Variants in RAP1GAP2 observed in about 807,000 individuals in gnomAD.
The protein encoded by RAP1GAP2 is RAP1 GTPase activating protein 2.
A neutral mutation model predicts 95.0 loss-of-function variants in RAP1GAP2; 27 were observed. The ratio of observed to expected loss-of-function variants is 0.28; its 90% CI spans 0.21 to 0.39. The LOEUF (loss-of-function observed/expected upper bound fraction) is 0.39, where lower values mean the gene tolerates loss of function less well. RAP1GAP2 is among the 10% of genes least tolerant of loss of function. The probability of loss-of-function intolerance (pLI) is 1.00; values close to 1 mark genes in which losing one functional copy is unlikely to be tolerated. For missense variants in RAP1GAP2, 771 were observed against 970.0 expected, an observed-to-expected ratio of 0.79 and a Z score of 2.72; for synonymous variants, 373 against 380.9, an observed-to-expected ratio of 0.98 and a Z score of 0.24.
chr17:3,005,832 G>T lies in RAP1GAP2; in HGVS notation c.1273-123G>T. 1.1e-6 allele frequency: 1 copy of T among 918,444 alleles called. No homozygotes were observed. The highest frequency in any genetic ancestry group is 1.8e-5 in the Admixed American group (1 of 54,104). 56.9% of individuals were successfully genotyped at this position (918,444 alleles called of 1,614,324 possible). ...TGGCCTGGGCTAGAAATGATCCGCTGTCGGAAGGGACTTTTCAGGGGTTCT... is the reference window on the plus strand; with the variant it reads ...TGGCCTGGGCTAGAAATGATCCGCTTTCGGAAGGGACTTTTCAGGGGTTCT... On this transcript the variant is annotated intron_variant, in intron 15 of 24. Transcript: ENST00000254695. The surrounding 1 kb of genome is among the most constrained non-coding windows in gnomAD (Gnocchi z 5.2).
intron 2 of RAP1GAP2, among the ~76,000 whole-genome samples, chr17:2,894,898 C>T (rs750573832): frequency 1.1e-4 from 17 of 152,180 alleles, no homozygotes; most frequent in Non-Finnish European, 2.4e-4. Flanking sequence ...CCGCTCCGTT[C>T]TCTCTCTGCT....
At chr17:3,012,698 C>T (rs943243669) in intron 17 of RAP1GAP2, among the ~76,000 whole-genome samples, 1 of 151,284 alleles carries the variant, frequency 6.6e-6, no homozygotes, top group African/African-American at 2.4e-5. Flanking sequence ...TAGGTAAGGC[C>T]TGAAGTCAGC....
chr17:2,888,933 A>T (rs1001737296), intron 2 of RAP1GAP2, among the ~76,000 whole-genome samples: 2 of 150,876 alleles, frequency 1.3e-5, no homozygotes, highest in Non-Finnish European at 2.9e-5. Context: ...AAAGTGTAGG[A>T]TTACAGGTGT....
At chr17:2,907,230 C>T (rs191268405) in intron 3 of RAP1GAP2, among the ~76,000 whole-genome samples, 164 of 152,270 alleles carry the variant, frequency 1.1e-3, no homozygotes, top group African/African-American at 3.5e-3. Flanking sequence ...GTCTCATGAC[C>T]GCCCACCTAA....
At chr17:2,992,196 G>A (rs1419377084) in intron 12 of RAP1GAP2, among the ~76,000 whole-genome samples, 1 of 140,210 alleles carries the variant, frequency 7.1e-6, no homozygotes, top group Admixed American at 7.2e-5. Flanking sequence ...GGAGTCATGC[G>A]CTTTGCCAGG....
At chr17:2,758,097 C>G (rs2071179436) in intron 1 of RAP1GAP2, among the ~76,000 whole-genome samples, 1 of 149,764 alleles carries the variant, frequency 6.7e-6, no homozygotes, top group South Asian at 2.1e-4. Context: ...TGTCGATCTC[C>G]TGACCTCATG....
chr17:2,979,076 C>T (rs114693709), intron 8 of RAP1GAP2, among the ~76,000 whole-genome samples: 2,383 of 152,122 alleles, frequency 0.016, 64 homozygotes, highest in African/African-American at 0.054. Context: ...AATCAAAAAA[C>T]GGCTCAACAG....
chr17:2,847,725 G>A (rs1045861222), intron 2 of RAP1GAP2, among the ~76,000 whole-genome samples: 1 of 152,166 alleles, frequency 6.6e-6, no homozygotes, highest in African/African-American at 2.4e-5. Flanking sequence ...CAGCAGCTGG[G>A]GAGGTTTGGT....
chr17:2,817,633 G>A lies in RAP1GAP2; in HGVS notation c.80+17083G>A, dbSNP rs1419430261. On this transcript the variant is annotated intron_variant, in intron 2 of 24. Transcript: ENST00000254695. ...CCTCCCTGGTTCAAGTGATTCTCCT[G>A]CCTCAGCCTCCCAAGTAGCTGGGAT... Among the ~76,000 whole-genome samples the A allele has an allele frequency of 7.7e-5, 9 of 116,814 alleles. 3 individuals are homozygous for A. The highest frequency in any genetic ancestry group is 1.8e-4 in the Non-Finnish European group (9 of 49,100). The allele number at this position is 116,814 out of a possible 152,430, so 76.6% of individuals were successfully genotyped here.
At chr17:2,894,959 G>A (rs935303356) in intron 2 of RAP1GAP2, among the ~76,000 whole-genome samples, 2 of 152,098 alleles carry the variant, frequency 1.3e-5, no homozygotes, top group Non-Finnish European at 2.9e-5. Context: ...ACCCCGCCTC[G>A]GGCCCCTTGG....
chr17:3,025,905 C>A, intron 19 of RAP1GAP2, 103 bp from the exon 20 acceptor site: 1 of 834,096 alleles, frequency 1.2e-6, no homozygotes, highest in Non-Finnish European at 2.0e-6. Flanking sequence ...GCTCTGACCC[C>A]ACTGCCCCTC....
At chr17:2,926,478 C>T (rs2042958374) in intron 3 of RAP1GAP2, among the ~76,000 whole-genome samples, 1 of 152,164 alleles carries the variant, frequency 6.6e-6, no homozygotes, top group Admixed American at 6.6e-5. Context: ...CAGAGCATCG[C>T]AGTTTTGAGG....
At position 2,898,335 on chromosome 17, in the gene RAP1GAP2, C is replaced by T. The variant is rs550529817; in HGVS notation, c.81-6949C>T. 6.6e-5 allele frequency among the ~76,000 whole-genome samples: 10 copies of T among 152,232 alleles called. No individual in the cohort carries two copies. In the East Asian group the frequency reaches 9.7e-4, roughly 15 times the overall value. ...CAGCCCTGCCAGGTAGGAACAGGTG[C>T]GCAACACCTGCTCCTTCTCAAGCTA... On this transcript the variant is annotated intron_variant, in intron 2 of 24. Coordinates refer to ENST00000254695, the MANE Select transcript of RAP1GAP2 (RefSeq NM_015085.5).
chr17:2,897,639 C>A (rs1345472831), intron 2 of RAP1GAP2, among the ~76,000 whole-genome samples: 1 of 152,002 alleles, frequency 6.6e-6, no homozygotes, highest in Non-Finnish European at 1.5e-5. Context: ...GGATGACAGG[C>A]GTGAGCCACC....
At chr17:2,956,851 G>A (rs1483914305) in intron 3 of RAP1GAP2, among the ~76,000 whole-genome samples, 3 of 152,160 alleles carry the variant, frequency 2.0e-5, no homozygotes, top group Non-Finnish European at 4.4e-5. Context: ...CATCTAGGCT[G>A]GGCGTGGTAG....
At chr17:2,949,356 C>T (rs1301959308) in intron 3 of RAP1GAP2, among the ~76,000 whole-genome samples, 4 of 152,200 alleles carry the variant, frequency 2.6e-5, no homozygotes, top group Non-Finnish European at 5.9e-5. Context: ...GGAGGCTGTC[C>T]CGGGCAGGAC....
upstream of RAP1GAP2, among the ~76,000 whole-genome samples, chr17:2,793,570 C>G (rs1033949927): frequency 2.0e-5 from 3 of 152,248 alleles, no homozygotes; most frequent in African/African-American, 7.2e-5. Context: ...GGTGCTTGGC[C>G]TAGAGCAGGT....
chr17:2,951,158 G>A (rs1389174796), intron 3 of RAP1GAP2, among the ~76,000 whole-genome samples: 1 of 152,208 alleles, frequency 6.6e-6, no homozygotes, highest in Non-Finnish European at 1.5e-5. Flanking sequence ...TCTCCCATCT[G>A]ATCTTCAGGA....
At chr17:2,944,161 C>CAA (rs36063732) in intron 3 of RAP1GAP2, among the ~76,000 whole-genome samples, 284 of 81,744 alleles carry the variant, frequency 3.5e-3, no homozygotes, top group African/African-American at 4.6e-3. Flanking sequence ...ACAGCAAAAC[C>CAA]AAAAAAAAAA....
Sources: allele counts gnomAD v4.1 joint callset (sites outside exome capture counted in the v4.1 genomes callset), GRCh38; gene constraint gnomAD v4.1.1; non-coding constraint Gnocchi (gnomAD v3.1); transcripts MANE v1.5; gene names NCBI Gene and HGNC (gene_info 2026-07-23, HGNC 2026-07-21).